EPN1: variants seen among roughly 807,000 people sequenced by gnomAD.
The protein encoded by EPN1 is epsin 1.
Under a neutral mutation model 56.9 loss-of-function variants are expected in EPN1, and 25 were observed. The ratio of observed to expected loss-of-function variants is 0.44; its 90% confidence interval spans 0.32 to 0.61. The LOEUF (loss-of-function observed/expected upper bound fraction) is 0.61. EPN1 is among the 20% of genes least tolerant of loss of function. The pLI, the probability that EPN1 is intolerant of heterozygous loss-of-function variation, is 0.05. For missense variants in EPN1, 785 were observed against 823.7 expected, an observed-to-expected ratio of 0.95 and a Z score of 0.58; for synonymous variants, 411 against 361.8, an observed-to-expected ratio of 1.14 and a Z score of -1.54.
Position 55,689,010 on chromosome 19 carries a change from C to T in EPN1, c.603+16C>T. The stretch of plus-strand genomic sequence containing the variant: ...GGCCGACCAGGTACTGGGCGTGCAG[C>T]TGGGGCTGTCTGTCCGCCACCCGCC... On this transcript the variant is annotated intron_variant, in intron 4 of 10. Transcript: ENST00000270460. The surrounding 1 kb of genome is among the most constrained non-coding windows in gnomAD (Gnocchi z 5.7). 2.5e-6 allele frequency: 4 copies of T among 1,578,796 alleles called. No homozygotes were observed. Among genetic ancestry groups the T allele is most frequent in the Non-Finnish European group, 3.4e-6 (4 of 1,165,374 alleles).
rs759844592 is a variant in EPN1 at position 55,678,499 on chromosome 19, G to A, written c.-101-28G>A. On this transcript the variant is annotated intron_variant, in intron 1 of 10. Coordinates refer to ENST00000270460, the MANE Select transcript of EPN1 (RefSeq NM_001130072.2). ...TCTGGGCAGGCCATGTCCCATTTGT[G>A]TTTCCAGAGGTCCTCTTCCCCTCGC... 3.3e-6 allele frequency: 5 copies of A among 1,522,420 alleles called. No individual in the cohort carries two copies. In the African/African-American group the frequency reaches 5.5e-5, roughly 17 times the overall value. 94.3% of individuals were successfully genotyped at this position (1,522,420 alleles called of 1,614,324 possible).
intron 1 of EPN1, among the ~76,000 whole-genome samples, chr19:55,676,071 C>T (rs753970967): frequency 2.0e-5 from 3 of 152,216 alleles, no homozygotes; most frequent in African/African-American, 2.4e-5. Flanking sequence ...GTCTCTGTGT[C>T]AAAACCTCAG....
chr19:55,708,396 A>G lies in EPN1; in HGVS notation c.*13040A>G, dbSNP rs1173639121. On this transcript the variant is annotated 3_prime_UTR_variant, in exon 11 of 11. Coordinates refer to ENST00000270460, the MANE Select transcript of EPN1 (RefSeq NM_001130072.2). ...TATTTGAATAATACTGAATTTTTAG[A>G]AAAATCTATTGGGGTGTCATATATA... is the stretch of plus-strand genomic sequence containing the variant. 1 of 135,772 alleles carries G rather than the reference A, an allele frequency of 7.4e-6. No homozygotes were observed. Among genetic ancestry groups the G allele is most frequent in the Non-Finnish European group, 1.6e-5 (1 of 64,098 alleles). 8.4% of individuals were successfully genotyped at this position (135,772 alleles called of 1,614,324 possible).
In EPN1 at chr19:55,703,476, A is replaced by C. The variant is rs1054935590; in HGVS notation, c.*8120A>C. The C allele has an allele frequency of 5.9e-5, 9 of 152,160 alleles. No homozygotes were observed. Among genetic ancestry groups the C allele is most frequent in the African/African-American group, 1.2e-4 (5 of 41,424 alleles). 9.4% of individuals were successfully genotyped at this position (152,160 alleles called of 1,614,324 possible). A position where few individuals can be genotyped will look rare whatever the true frequency, so the allele number is the denominator to read the frequency against. ...GTAGCTGGGATTACAGGTGCCCGCC[A>C]CCACGCCCAGCTAATTTTTGTATTT... On this transcript the variant is annotated 3_prime_UTR_variant, in exon 11 of 11. Coordinates refer to ENST00000270460, the MANE Select transcript of EPN1 (RefSeq NM_001130072.2).
chr19:55,684,507 G>A (rs1025717111), intron 2 of EPN1, among the ~76,000 whole-genome samples: 3 of 152,074 alleles, frequency 2.0e-5, no homozygotes, highest in African/African-American at 4.8e-5. Flanking sequence ...GTTTGTTTTC[G>A]TATTATAAAA....
intron 1 of EPN1, chr19:55,677,627 A>T (rs925226836): frequency 6.4e-7 from 1 of 1,551,282 alleles, no homozygotes; most frequent in African/African-American, 1.4e-5. Context: ...CACAGCAGGG[A>T]CCCAGGCAGT....
rs373848848 is a variant in EPN1, at chr19:55,689,894, C to T, written c.706C>T (p.Leu236=). ...GGAGCGGATCCGTCGCGGGGATGAC[C>T]TGCGGCTGCAGATGGCAATCGAGGA... ...KEERIRRGDD[L]RLQMAIEESK... is the part of the protein sequence containing the mutation. Residue 236 remains leucine, a synonymous_variant, in exon 6 of 11, where the codon CTG becomes TTG. Transcript: ENST00000270460. The surrounding 1 kb of genome is among the most constrained non-coding windows in gnomAD (Gnocchi z 5.7). 465 of 1,606,320 alleles carry T rather than the reference C, an allele frequency of 2.9e-4. No homozygotes were observed. The highest frequency in any genetic ancestry group is 3.7e-4 in the Non-Finnish European group (433 of 1,176,902).
rs753965980 is a variant in EPN1 at position 55,693,004 on chromosome 19, C to T, written c.1231C>T (p.Arg411Cys). The change falls in exon 9 of 11, where the codon CGC becomes TGC. Residue 411 changes from arginine (R) to cysteine (C), a missense_variant. Arg to Cys is a radical substitution (Grantham distance 180). This residue lies in a region of EPN1 where 650 missense variants were observed against 605.0 expected (regional missense o/e 1.07). Transcript: ENST00000270460. Reference sequence around the variant, plus strand: ...CGAGTTCTCTGACTTTGACCGACTCCGCACGGCACTGCCGACCTCCGGGAG... The same window carrying T: ...CGAGTTCTCTGACTTTGACCGACTCTGCACGGCACTGCCGACCTCCGGGAG... Reference protein sequence around the residue: ...PDEFSDFDRLRTALPTSGSSA... With the variant: ...PDEFSDFDRLCTALPTSGSSA... 10 of 1,613,278 alleles carry T rather than the reference C, an allele frequency of 6.2e-6. No homozygotes were observed. Among genetic ancestry groups the T allele is most frequent in the African/African-American group, 5.3e-5 (4 of 74,934 alleles).
chr19:55,678,954 CAAG>C, intron 2 of EPN1, 99 bp downstream of exon 2: 1 of 770,596 alleles, frequency 1.3e-6, no homozygotes, highest in Non-Finnish European at 2.1e-6. Context: ...TCCCGGTTCT[CAAG>C]AGGAACTGGA....
In EPN1 at chr19:55,678,690, G is replaced by C; in HGVS notation, c.63G>C (p.Glu21Asp). ...KNIVHNYSEAEIKVREATSND... is the reference protein window; with the variant it reads ...KNIVHNYSEADIKVREATSND... ...TCGTCCACAACTACTCAGAGGCGGAGATCAAGGTTCGAGAGGCCACGAGCA... is the reference window on the plus strand; with the variant it reads ...TCGTCCACAACTACTCAGAGGCGGACATCAAGGTTCGAGAGGCCACGAGCA... Residue 21 changes from glutamate (E) to aspartate (D), a missense_variant, in exon 2 of 11, where the codon GAG (glutamate) becomes GAC (aspartate). By Grantham distance (45) the Glu-to-Asp change is conservative. Around this residue, in one of 2 missense-constraint regions of EPN1, gnomAD observed 135 missense variants for 218.7 expected, o/e 0.62. Transcript: ENST00000270460. The C allele has an allele frequency of 6.2e-7, 1 of 1,614,144 alleles. No individual in the cohort carries two copies. Among genetic ancestry groups the C allele is most frequent in the Non-Finnish European group, 8.5e-7 (1 of 1,180,012 alleles).
Position 55,697,055 on chromosome 19 carries a change from T to G in EPN1, c.*1699T>G, listed in dbSNP as rs928094418. 3.9e-5 allele frequency: 6 copies of G among 152,202 alleles called. No individual in the cohort carries two copies. Among genetic ancestry groups the G allele is most frequent in the Non-Finnish European group, 8.8e-5 (6 of 68,032 alleles). 9.4% of individuals were successfully genotyped at this position (152,202 alleles called of 1,614,324 possible). ...AGTTGCAGAGGAGCATCCCCCTTGCTTAGCCAGGGAGGGGAAGCCCTCTTC... is the reference window on the plus strand; with the variant it reads ...AGTTGCAGAGGAGCATCCCCCTTGCGTAGCCAGGGAGGGGAAGCCCTCTTC... On this transcript the variant is annotated 3_prime_UTR_variant, in exon 11 of 11. Coordinates refer to ENST00000270460, the MANE Select transcript of EPN1 (RefSeq NM_001130072.2).
chr19:55,695,125 T>G lies in EPN1; in HGVS notation c.1523-23T>G. ...GCTGCGCCACTGACTCCACTCCGTG[T>G]CTCTGGTTTACTCTTCCTGCAGGAG... On this transcript the variant is annotated intron_variant, in intron 10 of 10. Coordinates refer to ENST00000270460, the MANE Select transcript of EPN1 (RefSeq NM_001130072.2). The surrounding 1 kb of genome is among the most constrained non-coding windows in gnomAD (Gnocchi z 4.4). 1 of 1,613,522 alleles carries G rather than the reference T, an allele frequency of 6.2e-7. No homozygotes were observed. Among genetic ancestry groups the G allele is most frequent in the Non-Finnish European group, 8.5e-7 (1 of 1,179,708 alleles).
At chr19:55,679,316 G>A (rs1299427698) in intron 2 of EPN1, among the ~76,000 whole-genome samples, 1 of 152,266 alleles carries the variant, frequency 6.6e-6, no homozygotes, top group East Asian at 1.9e-4. Context: ...GGGTCCAGGG[G>A]CCTTGGCATC....
In EPN1 at chr19:55,694,550, G is replaced by C; in HGVS notation, c.1265-176G>C. ...GACCCACCTTATGGGAATCTGGGCT[G>C]ACGTGAGGTTTTGGCCTGGGCAAGC... On this transcript the variant is annotated intron_variant, in intron 9 of 10. Coordinates refer to ENST00000270460, the MANE Select transcript of EPN1 (RefSeq NM_001130072.2). This position sits in a 1 kb window ranked among gnomAD's most constrained non-coding sequence, Gnocchi z 4.2. The C allele has an allele frequency of 1.5e-6, 1 of 654,666 alleles. No individual in the cohort carries two copies. 40.6% of individuals were successfully genotyped at this position (654,666 alleles called of 1,614,324 possible). A position where few individuals can be genotyped will look rare whatever the true frequency, so the allele number is the denominator to read the frequency against.
intron 3 of EPN1, among the ~76,000 whole-genome samples, chr19:55,687,183 CA>C (rs1472295474): frequency 6.6e-6 from 1 of 152,110 alleles, no homozygotes; most frequent in Admixed American, 6.6e-5. Flanking sequence ...TTCTTCCAAC[CA>C]TTGAAAAATG....
rs1424122631 is a variant in EPN1, at chr19:55,700,103, T to G, written c.*4747T>G. 6.6e-6 allele frequency: 1 copy of G among 151,536 alleles called. No individual in the cohort carries two copies. Among genetic ancestry groups the G allele is most frequent in the Non-Finnish European group, 1.5e-5 (1 of 68,022 alleles). The allele number at this position is 151,536 out of a possible 1,614,324, so 9.4% of individuals were successfully genotyped here. ...GCCCAGCTAATTTTTTTGTATTTTTTTAGTAGAGACGGGGTTTCACTGTGT... is the reference window on the plus strand; with the variant it reads ...GCCCAGCTAATTTTTTTGTATTTTTGTAGTAGAGACGGGGTTTCACTGTGT... On this transcript the variant is annotated 3_prime_UTR_variant, in exon 11 of 11. Coordinates refer to ENST00000270460, the MANE Select transcript of EPN1 (RefSeq NM_001130072.2).
rs778161584 is a variant in EPN1 at position 55,695,170 on chromosome 19, C to T, written c.1545C>T (p.Ser515=). 35 of 1,613,656 alleles carry T rather than the reference C, an allele frequency of 2.2e-5. No individual in the cohort carries two copies. Among genetic ancestry groups the T allele is most frequent in the South Asian group, 7.7e-5 (7 of 91,092 alleles). The part of the protein sequence containing the change: ...LPGGGPATGP[S]VTNPFQPAPP... ...CAGGAGGCCCAGCCACTGGCCCTTC[C>T]GTCACCAACCCCTTCCAGCCCGCGC... The change falls in exon 11 of 11, where the codon TCC becomes TCT. Residue 515 remains serine, a synonymous_variant. Transcript: ENST00000270460. This position sits in a 1 kb window ranked among gnomAD's most constrained non-coding sequence, Gnocchi z 4.4.
chr19:55,694,505 G>A lies in EPN1; in HGVS notation c.1265-221G>A. On this transcript the variant is annotated intron_variant, in intron 9 of 10. Transcript: ENST00000270460. The surrounding 1 kb of genome is among the most constrained non-coding windows in gnomAD (Gnocchi z 4.2). ...GACACCTGCTTCTGTCATCCCTCTTGTGTTTGCTCACTGGAATCAGACCCA... is the reference window on the plus strand; with the variant it reads ...GACACCTGCTTCTGTCATCCCTCTTATGTTTGCTCACTGGAATCAGACCCA... The A allele has an allele frequency of 2.1e-6, 1 of 471,022 alleles. No individual in the cohort carries two copies. The highest frequency in any genetic ancestry group is 3.6e-6 in the Non-Finnish European group (1 of 274,086). The allele number at this position is 471,022 out of a possible 1,614,324, so 29.2% of individuals were successfully genotyped here.
In EPN1 at chr19:55,691,801, C is replaced by T. The variant is rs771755148; in HGVS notation, c.810C>T (p.Ala270=). The T allele has an allele frequency of 1.5e-5, 24 of 1,612,636 alleles. No individual in the cohort carries two copies. The highest frequency in any genetic ancestry group is 2.0e-5 in the Non-Finnish European group (23 of 1,179,380). The part of the protein sequence containing the change: ...LADVFTAPAP[A]PTTDPWGGPA... ...ACGTCTTCACGGCCCCAGCTCCTGCCCCGACCACAGACCCCTGGGGGGGCC... is the reference window on the plus strand; with the variant it reads ...ACGTCTTCACGGCCCCAGCTCCTGCTCCGACCACAGACCCCTGGGGGGGCC... The change falls in exon 7 of 11, where the codon GCC becomes GCT. Residue 270 remains alanine (A), a synonymous_variant. Transcript: ENST00000270460. The surrounding 1 kb of genome is among the most constrained non-coding windows in gnomAD (Gnocchi z 5.6).
Sources: allele counts gnomAD v4.1 joint callset (sites outside exome capture counted in the v4.1 genomes callset), GRCh38; gene constraint gnomAD v4.1.1; regional missense constraint gnomAD v4.1.1; non-coding constraint Gnocchi (gnomAD v3.1); transcripts MANE v1.5; gene names NCBI Gene and HGNC (gene_info 2026-07-23, HGNC 2026-07-21).